SOX5: variants seen among roughly 807,000 people sequenced by gnomAD.
SOX5 encodes the protein SRY-box transcription factor 5, also known as transcription factor SOX-5.
A neutral mutation model predicts 92.0 loss-of-function variants in SOX5; 9 were observed. The ratio of observed to expected loss-of-function variants is 0.10; its 90% CI spans 0.06 to 0.17. SOX5 has a LOEUF of 0.17. SOX5 is among the 10% of genes least tolerant of loss of function. The probability of loss-of-function intolerance (pLI) is 1.00; values close to 1 mark genes in which losing one functional copy is unlikely to be tolerated. For missense variants in SOX5, 642 were observed against 944.5 expected (o/e 0.68, Z 4.20); for synonymous variants, 344 against 336.3 (o/e 1.02, Z -0.25).
chr12:23,603,183 C>A (rs1387311534), intron 9 of SOX5, among the ~76,000 whole-genome samples: 1 of 151,776 alleles, frequency 6.6e-6, no homozygotes, highest in Non-Finnish European at 1.5e-5. Flanking sequence ...ATTGATTGAT[C>A]CCTTCTCCTT....
At chr12:23,928,031 G>C (rs546048673) in intron 1 of SOX5, among the ~76,000 whole-genome samples, 9 of 152,122 alleles carry the variant, frequency 5.9e-5, no homozygotes, top group African/African-American at 2.2e-4. Flanking sequence ...ATGGAACCAG[G>C]GCGATTAACA....
At chr12:24,149,018 T>C (rs1951394572) in intron 4 of SOX5, among the ~76,000 whole-genome samples, 1 of 152,168 alleles carries the variant, frequency 6.6e-6, no homozygotes. Flanking sequence ...TTGGAACAAC[T>C]GGGTATTCAT....
chr12:23,694,603 T>C (rs2089480982), intron 6 of SOX5, among the ~76,000 whole-genome samples: 1 of 152,142 alleles, frequency 6.6e-6, no homozygotes, highest in Non-Finnish European at 1.5e-5. Flanking sequence ...ATGTAATTTA[T>C]GTGAAAAATG....
chr12:24,274,624 T>C (rs1316253356), intron 3 of SOX5, among the ~76,000 whole-genome samples: 1 of 151,440 alleles, frequency 6.6e-6, no homozygotes, highest in Non-Finnish European at 1.5e-5. Flanking sequence ...TCATACATCA[T>C]GTGTCTCTTA....
At chr12:23,702,526 A>G (rs1377172556) in intron 6 of SOX5, among the ~76,000 whole-genome samples, 1 of 152,064 alleles carries the variant, frequency 6.6e-6, no homozygotes, top group Non-Finnish European at 1.5e-5. Context: ...TTAAATATTA[A>G]CTCCTGCTGA....
intron 2 of SOX5, among the ~76,000 whole-genome samples, chr12:24,320,875 A>T: frequency 1.3e-5 from 1 of 75,124 alleles, no homozygotes; most frequent in South Asian, 5.2e-4. Flanking sequence ...AAAAAAAAAT[A>T]ATAATAATAA....
intron 1 of SOX5, among the ~76,000 whole-genome samples, chr12:24,475,650 T>C (rs141990305): frequency 1.3e-4 from 20 of 152,292 alleles, no homozygotes; most frequent in African/African-American, 4.1e-4. Context: ...TTGATTTTAT[T>C]GGAGGAAAGT....
At chr12:23,822,341 T>G (rs1316474624) in intron 3 of SOX5, among the ~76,000 whole-genome samples, 1 of 152,214 alleles carries the variant, frequency 6.6e-6, no homozygotes, top group African/African-American at 2.4e-5. Flanking sequence ...TCTCATTGGT[T>G]TCAAAGAACT....
intron 6 of SOX5, among the ~76,000 whole-genome samples, chr12:23,680,839 A>T (rs1205903041): frequency 2.0e-5 from 3 of 152,160 alleles, no homozygotes. Context: ...ATGGAAAAAA[A>T]TAAACTGACA....
chr12:24,177,713 C>T (rs554190870), intron 4 of SOX5, among the ~76,000 whole-genome samples: 5 of 152,074 alleles, frequency 3.3e-5, no homozygotes, highest in East Asian at 1.9e-4. Flanking sequence ...GTCCTATTTT[C>T]GTTATTCTCT....
At chr12:23,554,638 T>G (rs1176065339) in intron 11 of SOX5, among the ~76,000 whole-genome samples, 1 of 152,140 alleles carries the variant, frequency 6.6e-6, no homozygotes, top group Admixed American at 6.5e-5. Flanking sequence ...GAGAAAATGT[T>G]AAGGTACAAA....
chr12:23,960,269 T>TAC (rs994552814), intron 4 of SOX5, among the ~76,000 whole-genome samples: 4 of 151,984 alleles, frequency 2.6e-5, no homozygotes, highest in African/African-American at 9.7e-5. Flanking sequence ...AGCAAAAGCT[T>TAC]ACACACACAC....
intron 3 of SOX5, among the ~76,000 whole-genome samples, chr12:23,829,102 T>G (rs1296231791): frequency 6.6e-6 from 1 of 151,680 alleles, no homozygotes; most frequent in East Asian, 1.9e-4. Context: ...GCCTTTCCCA[T>G]AAACAACTCC....
chr12:23,626,106 AAAAGAAAGAG>A (rs1224687174), intron 8 of SOX5, among the ~76,000 whole-genome samples: 22 of 152,196 alleles, frequency 1.4e-4, no homozygotes, highest in African/African-American at 5.1e-4. Context: ...AGGAAAGAGA[AAAAGAAAGAG>A]ACAGAGAAAC....
At chr12:24,257,373 A>G (rs1443604917) in intron 3 of SOX5, among the ~76,000 whole-genome samples, 2 of 152,208 alleles carry the variant, frequency 1.3e-5, no homozygotes, top group African/African-American at 4.8e-5. Context: ...ATATGTGTAT[A>G]TTATGCACAA....
intron 6 of SOX5, among the ~76,000 whole-genome samples, chr12:23,731,644 T>C (rs1052640187): frequency 6.6e-6 from 1 of 152,170 alleles, no homozygotes; most frequent in Non-Finnish European, 1.5e-5. Flanking sequence ...ATGTAACATA[T>C]CCATCAAATG....
At chr12:24,278,759 T>C (rs1376660216) in intron 2 of SOX5, among the ~76,000 whole-genome samples, 9 of 152,030 alleles carry the variant, frequency 5.9e-5, no homozygotes, top group Admixed American at 5.9e-4. Flanking sequence ...AAAAAACTTT[T>C]AACATGGGAA....
rs1036151630 is a variant in SOX5, at chr12:23,531,758, A to G, written c.*2461T>C. On this transcript the variant is annotated 3_prime_UTR_variant, in exon 15 of 15. Transcript: ENST00000451604. ...TTAAATAACTAAAATGAGTGATGAG[A>G]GCATAAGTTAATTAAGATTGAACAC... 1 of 152,108 alleles carries G rather than the reference A, an allele frequency of 6.6e-6. No individual in the cohort carries two copies. Among genetic ancestry groups the G allele is most frequent in the Non-Finnish European group, 1.5e-5 (1 of 68,026 alleles). 9.4% of individuals were successfully genotyped at this position (152,108 alleles called of 1,614,324 possible). A position where few individuals can be genotyped will look rare whatever the true frequency, so the allele number is the denominator to read the frequency against.
chr12:24,223,532 T>C (rs796491599), intron 3 of SOX5, among the ~76,000 whole-genome samples: 38 of 152,284 alleles, frequency 2.5e-4, no homozygotes, highest in African/African-American at 8.9e-4. Context: ...GGCAGGAGGA[T>C]TGCTTGAGGC....
Sources: gnomAD v4.1 joint callset for allele counts (sites outside exome capture counted in the v4.1 genomes callset) on GRCh38, gnomAD v4.1.1 for gene constraint, MANE v1.5 for transcripts, NCBI Gene and HGNC (gene_info 2026-07-23, HGNC 2026-07-21) for gene names.